The following STK3 variants were observed in gnomAD, a reference collection of about 807,000 sequenced individuals.
STK3 encodes serine/threonine kinase 3.
STK3 carries 41 observed loss-of-function variants against 58.0 expected under a neutral mutation model. The ratio of observed to expected loss-of-function variants is 0.71; its 90% CI spans 0.55 to 0.92. The LOEUF is 0.92. STK3 is among the 40% of genes least tolerant of loss of function. The pLI is 0.00. For synonymous variants in STK3, 170 were observed against 191.0 expected, an observed-to-expected ratio of 0.89 and a Z score of 0.91; for missense variants, 479 against 602.7, an observed-to-expected ratio of 0.79 and a Z score of 2.15.
intron 10 of STK3, among the ~76,000 whole-genome samples, chr8:98,484,856 T>G (rs1193601669): frequency 6.6e-6 from 1 of 152,184 alleles, no homozygotes; most frequent in African/African-American, 2.4e-5. Context: ...AAACTACATA[T>G]TACAGCATAC....
intron 1 of STK3, among the ~76,000 whole-genome samples, chr8:98,813,085 G>A (rs1364006527): frequency 5.3e-5 from 8 of 151,420 alleles, no homozygotes; most frequent in South Asian, 4.2e-4. Context: ...TGCTGACGAC[G>A]TCAGACACAC....
At chr8:98,481,059 A>C (rs936767857) in intron 10 of STK3, among the ~76,000 whole-genome samples, 13 of 152,132 alleles carry the variant, frequency 8.5e-5, no homozygotes, top group African/African-American at 2.9e-4. Context: ...ATTTTGATAT[A>C]TTCTTGTTGG....
At chr8:98,445,541 G>GT (rs755180505) in intron 1 of STK3, among the ~76,000 whole-genome samples, 19 of 151,346 alleles carry the variant, frequency 1.3e-4, no homozygotes, top group Non-Finnish European at 2.2e-4. Flanking sequence ...GTAAAATATC[G>GT]TATGTCATAT....
chr8:98,375,218 G>A (rs1369665942), intron 2 of STK3, among the ~76,000 whole-genome samples: 1 of 147,944 alleles, frequency 6.8e-6, no homozygotes, highest in African/African-American at 2.5e-5. Flanking sequence ...TCATGCTACT[G>A]TACTCCAGCC....
intron 9 of STK3, among the ~76,000 whole-genome samples, chr8:98,544,513 C>T (rs911748437): frequency 8.6e-5 from 13 of 152,044 alleles, no homozygotes; most frequent in Admixed American, 6.6e-5. Flanking sequence ...TTAAGGAACA[C>T]ATTTTCAGAG....
intron 4 of STK3, among the ~76,000 whole-genome samples, chr8:98,715,413 A>T (rs993063217): frequency 1.3e-5 from 2 of 152,040 alleles, no homozygotes; most frequent in African/African-American, 4.8e-5. Context: ...CAGAATCTAC[A>T]ATGAACTCAA....
intron 10 of STK3, among the ~76,000 whole-genome samples, chr8:98,521,675 A>C (rs1351762784): frequency 1.3e-5 from 2 of 151,966 alleles, no homozygotes; most frequent in Non-Finnish European, 2.9e-5. Flanking sequence ...TTTCCATTTT[A>C]TCTCTCGTAT....
downstream of STK3, among the ~76,000 whole-genome samples, chr8:98,370,901 A>G (rs1233916496): frequency 1.3e-5 from 2 of 152,214 alleles, no homozygotes; most frequent in African/African-American, 4.8e-5. Context: ...AAAAATGCAG[A>G]TGCTAGGACC....
At chr8:98,689,124 A>C (rs1385635851) in intron 6 of STK3, among the ~76,000 whole-genome samples, 1 of 152,196 alleles carries the variant, frequency 6.6e-6, no homozygotes, top group African/African-American at 2.4e-5. Context: ...GGCTACTATG[A>C]ACATTTCAGT....
At chr8:98,640,020 TTA>T (rs1819896957) in intron 6 of STK3, among the ~76,000 whole-genome samples, 1 of 152,138 alleles carries the variant, frequency 6.6e-6, no homozygotes, top group Non-Finnish European at 1.5e-5. Context: ...CTGTTATTTG[TTA>T]TATGTTATTC....
At chr8:98,392,203 T>C (rs979991103), upstream of STK3, among the ~76,000 whole-genome samples, 1 of 152,236 alleles carries the variant, frequency 6.6e-6, no homozygotes, top group African/African-American at 2.4e-5. Flanking sequence ...TTTGGGGACT[T>C]ATTTTCATCC....
the STK3 span, among the ~76,000 whole-genome samples, chr8:98,344,622 G>A: frequency 7.6e-4 from 116 of 152,192 alleles, 2 homozygotes; most frequent in Middle Eastern, 0.014. Context: ...GGCCGGGCGC[G>A]GTGGCTCACG....
chr8:98,939,652 A>G (rs1408438587), intron 1 of STK3, among the ~76,000 whole-genome samples: 1 of 152,256 alleles, frequency 6.6e-6, no homozygotes, highest in African/African-American at 2.4e-5. Context: ...ATCGGAAATC[A>G]AGATTTCCGT....
rs1281599620 is a variant in STK3, at chr8:98,428,399, C to T, written n.483+5728G>A. ...AGGAGAAGTGGGACGAGCAGAGTGA[C>T]CAGGAGAGCACCACGTCTTCCTTCG... is the stretch of plus-strand genomic sequence containing the variant. On this transcript the variant is annotated intron_variant and non_coding_transcript_variant, in intron 3 of 3. Coordinates refer to the STK3 transcript ENST00000517832. The surrounding 1 kb of genome is among the most constrained non-coding windows in gnomAD (Gnocchi z 6.7). 1.9e-6 allele frequency: 3 copies of T among 1,614,016 alleles called. No individual in the cohort carries two copies. Among genetic ancestry groups the T allele is most frequent in the African/African-American group, 2.7e-5 (2 of 74,920 alleles).
intron 1 of STK3, among the ~76,000 whole-genome samples, chr8:98,900,688 G>T (rs1838624109): frequency 6.7e-6 from 1 of 149,644 alleles, no homozygotes; most frequent in Admixed American, 6.7e-5. Flanking sequence ...CTGAGACAGG[G>T]TCTTGCTCTG....
intron 3 of STK3, chr8:98,431,438 C>T (rs1187953122): frequency 6.0e-6 from 1 of 167,118 alleles, no homozygotes; most frequent in East Asian, 1.9e-4. Flanking sequence ...AGAATTTGCA[C>T]ATGGAACACT....
At chr8:98,502,278 T>C (rs1312627954) in intron 10 of STK3, among the ~76,000 whole-genome samples, 2 of 152,230 alleles carry the variant, frequency 1.3e-5, no homozygotes, top group Non-Finnish European at 2.9e-5. Context: ...TTTGCTGAAG[T>C]TGCTTATCAG....
intron 3 of STK3, among the ~76,000 whole-genome samples, chr8:98,425,171 G>A (rs1226122504): frequency 1.3e-5 from 2 of 152,224 alleles, no homozygotes; most frequent in Non-Finnish European, 2.9e-5. Flanking sequence ...AGATCCAGGG[G>A]CTCCCAGACT....
At chr8:98,924,079 G>T (rs1839691862) in intron 1 of STK3, among the ~76,000 whole-genome samples, 1 of 152,130 alleles carries the variant, frequency 6.6e-6, no homozygotes. Flanking sequence ...AGGTTTGCAG[G>T]TTCAGAGAGT....
Sources: gnomAD v4.1 joint callset for allele counts (sites outside exome capture counted in the v4.1 genomes callset) on GRCh38, gnomAD v4.1.1 for gene constraint, Gnocchi (gnomAD v3.1) non-coding constraint, MANE v1.5 for transcripts, NCBI Gene and HGNC (gene_info 2026-07-23, HGNC 2026-07-21) for gene names.